Variants in AP2A1 observed in about 807,000 individuals in gnomAD.
AP2A1 encodes the protein adaptor related protein complex 2 subunit alpha 1.
AP2A1 carries 21 observed loss-of-function variants against 107.3 expected under a neutral mutation model. The observed-to-expected ratio is 0.20, with a 90% confidence interval of 0.14 to 0.28. The LOEUF is 0.28. Ranked by LOEUF, AP2A1 falls within the 10% of genes least tolerant of loss-of-function variation. The probability of loss-of-function intolerance (pLI) is 1.00; values close to 1 mark genes in which losing one functional copy is unlikely to be tolerated. For missense variants in AP2A1, 873 were observed against 1,307.7 expected, an observed-to-expected ratio of 0.67 and a Z score of 5.13; for synonymous variants, 602 against 564.8, an observed-to-expected ratio of 1.07 and a Z score of -0.93.
chr19:49,801,851 G>C lies in AP2A1; in HGVS notation c.1915G>C (p.Asp639His), dbSNP rs780711341. Residue 639 changes from aspartate (D) to histidine (H), a missense_variant, in exon 14 of 23, where the codon GAC (aspartate) becomes CAC (histidine). This residue lies in a region of AP2A1 where 416 missense variants were observed against 473.4 expected (regional missense o/e 0.88). Coordinates refer to ENST00000354293, the MANE Select transcript of AP2A1 (RefSeq NM_130787.3). ...TGGCCGGAGGGACCCCAGCAGCAAC[G>C]ACATCAACGGGGGCATGGAGCCCAC... Reference protein sequence around the residue: ...DDGRRDPSSNDINGGMEPTPS... With the variant: ...DDGRRDPSSNHINGGMEPTPS... 6.6e-7 allele frequency: 1 copy of C among 1,508,234 alleles called. No individual in the cohort carries two copies. The highest frequency in any genetic ancestry group is 1.4e-5 in the African/African-American group (1 of 72,050). The allele number at this position is 1,508,234 out of a possible 1,614,324, so 93.4% of individuals were successfully genotyped here.
At chr19:49,800,705 A>G (rs2123748894) in intron 11 of AP2A1, 1 of 399,972 alleles carries the variant, frequency 2.5e-6, no homozygotes, top group Non-Finnish European at 4.5e-6. Flanking sequence ...TCCTGAGCTC[A>G]GGCAATCTGC....
chr19:49,802,407 T>G (rs1568588234), intron 15 of AP2A1: 1 of 1,019,122 alleles, frequency 9.8e-7, no homozygotes, highest in Non-Finnish European at 1.5e-6. Flanking sequence ...CTCTTCCTTT[T>G]CTCCTTCTCT....
chr19:49,767,001 G>GCCAT lies in AP2A1; in HGVS notation c.-130_-129insTCCA. On this transcript the variant is annotated 5_prime_UTR_variant, in exon 1 of 23. Transcript: ENST00000354293. ...GGCCTGCCAGCCCGCCCGCCCGCCCGCCAGCCAGCCCTCCCCGCGGCCGGC... is the reference window on the plus strand; with the variant it reads ...GGCCTGCCAGCCCGCCCGCCCGCCCGCCATCCAGCCAGCCCTCCCCGCGGCCGGC... 1 of 398,292 alleles carries GCCAT rather than the reference G, an allele frequency of 2.5e-6. No individual in the cohort carries two copies. Among genetic ancestry groups the GCCAT allele is most frequent in the Non-Finnish European group, 3.9e-6 (1 of 259,608 alleles). The allele number at this position is 398,292 out of a possible 1,614,324, so 24.7% of individuals were successfully genotyped here. A position where few individuals can be genotyped will look rare whatever the true frequency, so the allele number is the denominator to read the frequency against.
chr19:49,794,017 T>C (rs537809891), intron 6 of AP2A1, among the ~76,000 whole-genome samples: 1,847 of 147,842 alleles, frequency 0.012, 17 homozygotes, highest in South Asian at 0.022. Context: ...TCTCCAGCCT[T>C]AGCCTCCCGA....
At position 49,799,381 on chromosome 19, in the gene AP2A1, C is replaced by T. The variant is rs568668248; in HGVS notation, c.1020C>T (p.His340=). ...ACNQLGQFLQ[H]RETNLRYLAL... ...ACCAGCTGGGCCAGTTCCTGCAGCA[C>T]CGGGAGACCAACCTGCGCTACCTGG... is the stretch of plus-strand genomic sequence containing the variant. Residue 340 remains histidine, a synonymous_variant, in exon 9 of 23, where the codon CAC becomes CAT. Transcript: ENST00000354293. 1 of 1,612,482 alleles carries T rather than the reference C, an allele frequency of 6.2e-7. No homozygotes were observed. The highest frequency in any genetic ancestry group is 1.1e-5 in the South Asian group (1 of 90,910).
chr19:49,801,634 T>TGGC lies in AP2A1; in HGVS notation c.1785+13_1785+14insGGC. On this transcript the variant is annotated intron_variant, in intron 13 of 22. Transcript: ENST00000354293. The stretch of plus-strand genomic sequence containing the variant: ...CACCGACGTCCTGGTCAGAGCCCTG[T>TGGC]CCCCCCACCCCACCCCTCTTGCACA... The TGGC allele has an allele frequency of 6.7e-7, 1 of 1,482,254 alleles. No individual in the cohort carries two copies. Among genetic ancestry groups the TGGC allele is most frequent in the Non-Finnish European group, 9.3e-7 (1 of 1,076,908 alleles). The allele number at this position is 1,482,254 out of a possible 1,614,324, so 91.8% of individuals were successfully genotyped here. A position where few individuals can be genotyped will look rare whatever the true frequency, so the allele number is the denominator to read the frequency against.
chr19:49,801,415 C>T lies in AP2A1; in HGVS notation c.1579C>T (p.His527Tyr). 6.2e-7 allele frequency: 1 copy of T among 1,613,714 alleles called. No individual in the cohort carries two copies. Among genetic ancestry groups the T allele is most frequent in the Non-Finnish European group, 8.5e-7 (1 of 1,179,830 alleles). The change falls in exon 13 of 23, where the codon CAC becomes TAC. Residue 527 changes from histidine (H) to tyrosine (Y), a missense_variant. Coordinates refer to ENST00000354293, the MANE Select transcript of AP2A1 (RefSeq NM_130787.3). ...SSPPVQFSLL[H>Y]SKFHLCSVAT... is the part of the protein sequence containing the mutation. Reference sequence around the variant, plus strand: ...CCCCCCAGTGCAGTTCTCCCTGCTCCACTCCAAGTTCCATCTGTGCAGCGT... The same window carrying T: ...CCCCCCAGTGCAGTTCTCCCTGCTCTACTCCAAGTTCCATCTGTGCAGCGT...
Position 49,806,885 on chromosome 19 carries a change from T to C in AP2A1, c.*127T>C. On this transcript the variant is annotated 3_prime_UTR_variant, in exon 23 of 23. Transcript: ENST00000354293. ...CCAGGGTTTGGGGGATGCCTGGGAC[T>C]TTCCTCCGGCCTTTTGTATTTTTAT... The C allele has an allele frequency of 1.3e-6, 2 of 1,553,616 alleles. No homozygotes were observed. The highest frequency in any genetic ancestry group is 1.2e-5 in the South Asian group (1 of 85,740).
chr19:49,806,780 G>C lies in AP2A1; in HGVS notation c.*22G>C. On this transcript the variant is annotated 3_prime_UTR_variant, in exon 23 of 23. Coordinates refer to ENST00000354293, the MANE Select transcript of AP2A1 (RefSeq NM_130787.3). ...CTGAGCCCTGGACTCTGCCCCGGGG[G>C]ATGTGGCCGGCACTGGGCAGCCCCT... 1 of 1,613,504 alleles carries C rather than the reference G, an allele frequency of 6.2e-7. No homozygotes were observed. The highest frequency in any genetic ancestry group is 8.5e-7 in the Non-Finnish European group (1 of 1,179,842).
rs747421918 is a variant in AP2A1 at position 49,782,093 on chromosome 19, A to C, written c.279+4A>C. 3 of 1,406,044 alleles carry C rather than the reference A, an allele frequency of 2.1e-6. No individual in the cohort carries two copies. Among genetic ancestry groups the C allele is most frequent in the Non-Finnish European group, 2.8e-6 (3 of 1,060,538 alleles). 87.1% of individuals were successfully genotyped at this position (1,406,044 alleles called of 1,614,324 possible). ...TAAATACACAGAGAAGCAAATAGTG[A>C]GTCTGGAGAGGGGGGTGCCAGGGCC... On this transcript the variant is annotated splice_donor_region_variant and intron_variant, in intron 3 of 22. Coordinates refer to ENST00000354293, the MANE Select transcript of AP2A1 (RefSeq NM_130787.3).
chr19:49,800,901 A>C, intron 11 of AP2A1, 60 bp from the exon 12 acceptor site: 1 of 1,438,794 alleles, frequency 7.0e-7, no homozygotes, highest in Admixed American at 2.2e-5. Context: ...GGCTGCACCC[A>C]CCGATCCCGG....
intron 4 of AP2A1, among the ~76,000 whole-genome samples, chr19:49,787,513 A>ATT (rs370766749): frequency 2.3e-5 from 3 of 129,048 alleles, no homozygotes; most frequent in African/African-American, 2.9e-5. Context: ...ACACCTGGCT[A>ATT]TTTTTTTTTT....
chr19:49,783,397 G>A (rs1208312598), intron 4 of AP2A1, among the ~76,000 whole-genome samples: 1 of 152,102 alleles, frequency 6.6e-6, no homozygotes, highest in Non-Finnish European at 1.5e-5. Context: ...AAGCTGAGGT[G>A]GGAGGATCTC....
In AP2A1 at chr19:49,796,063, C is replaced by T. The variant is rs79866853; in HGVS notation, c.814+325C>T. ...AATCTGAGGCTTGGAGAGGGAGCTC[C>T]TGGCCCAGCGTCACTCACCCGGTCA... On this transcript the variant is annotated intron_variant, in intron 7 of 22. Coordinates refer to ENST00000354293, the MANE Select transcript of AP2A1 (RefSeq NM_130787.3). 8.1e-3 allele frequency: 2,558 copies of T among 315,626 alleles called. 20 individuals are homozygous for T. The highest frequency in any genetic ancestry group is 0.013 in the Middle Eastern group (14 of 1,040). The allele number at this position is 315,626 out of a possible 1,614,324, so 19.6% of individuals were successfully genotyped here.
intron 7 of AP2A1, 147 bp from the exon 8 acceptor site, chr19:49,798,655 C>T (rs1292390625): frequency 1.9e-6 from 2 of 1,072,754 alleles, no homozygotes; most frequent in African/African-American, 3.2e-5. Context: ...GAGCAGAGAC[C>T]CTGGCCCTGA....
At chr19:49,781,614 G>A (rs1231759103) in intron 1 of AP2A1, 143 bp from the exon 2 acceptor site, 2 of 798,656 alleles carry the variant, frequency 2.5e-6, no homozygotes, top group Admixed American at 2.8e-5. Context: ...GCCAGAGAAG[G>A]GGTCCTGGCC....
In AP2A1 at chr19:49,795,648, A is replaced by G; in HGVS notation, c.724A>G (p.Thr242Ala). 4 of 1,276,544 alleles carry G rather than the reference A, an allele frequency of 3.1e-6. No individual in the cohort carries two copies. Among genetic ancestry groups the G allele is most frequent in the Non-Finnish European group, 4.0e-6 (4 of 989,126 alleles). 79.1% of individuals were successfully genotyped at this position (1,276,544 alleles called of 1,614,324 possible). Reference protein sequence around the residue: ...RLSRIVSSASTDLQDYTYYFV... With the variant: ...RLSRIVSSASADLQDYTYYFV... ...CCGCCAGATCGTCTCCTCTGCCTCC[A>G]CCGACCTCCAGGACTACACCTACTA... Residue 242 changes from threonine (T) to alanine (A), a missense_variant, in exon 7 of 23, where the codon ACC becomes GCC. Physicochemically the swap from Thr to Ala is moderately conservative, Grantham distance 58. Coordinates refer to ENST00000354293, the MANE Select transcript of AP2A1 (RefSeq NM_130787.3).
intron 8 of AP2A1, 28 bp from the exon 9 acceptor site, chr19:49,799,299 A>G (rs752005975): frequency 1.2e-6 from 2 of 1,603,644 alleles, no homozygotes; most frequent in Non-Finnish European, 8.5e-7. Flanking sequence ...TTCTCTCACC[A>G]TCCCTCTCTT....
rs560517578 is a variant in AP2A1, at chr19:49,802,981, C to A, written c.2147C>A (p.Pro716Gln). The A allele has an allele frequency of 1.2e-6, 2 of 1,613,440 alleles. No individual in the cohort carries two copies. The highest frequency in any genetic ancestry group is 4.5e-5 in the East Asian group (2 of 44,856). Residue 716 changes from proline to glutamine, a missense_variant, in exon 16 of 23, where the codon CCG (proline) becomes CAG (glutamine). Coordinates refer to ENST00000354293, the MANE Select transcript of AP2A1 (RefSeq NM_130787.3). ...PGPEDIGPPI[P>Q]EADELLNKFV... Reference sequence around the variant, plus strand: ...CCTGAGGACATCGGCCCTCCCATTCCGGAAGCCGATGAGTTGCTGAATAAG... The same window carrying A: ...CCTGAGGACATCGGCCCTCCCATTCAGGAAGCCGATGAGTTGCTGAATAAG...
Sources: allele counts gnomAD v4.1 joint callset (sites outside exome capture counted in the v4.1 genomes callset), GRCh38; gene constraint gnomAD v4.1.1; regional missense constraint gnomAD v4.1.1; transcripts MANE v1.5; gene names NCBI Gene and HGNC (gene_info 2026-07-23, HGNC 2026-07-21).